The following GALNT17 variants were observed in gnomAD, a reference collection of about 807,000 sequenced individuals.
GALNT17 encodes the protein polypeptide N-acetylgalactosaminyltransferase 17.
GALNT17 carries 29 observed loss-of-function variants against 63.7 expected under a neutral mutation model. The ratio of observed to expected loss-of-function variants is 0.46; its 90% CI spans 0.34 to 0.62. GALNT17 has a LOEUF of 0.62. Among genes scored for constraint, GALNT17 ranks in the 20% least tolerant of loss-of-function variants. The probability of loss-of-function intolerance (pLI) is 0.01; values close to 1 mark genes in which losing one functional copy is unlikely to be tolerated. For missense variants in GALNT17, 603 were observed against 799.6 expected, an observed-to-expected ratio of 0.75 and a Z score of 2.97; for synonymous variants, 305 against 318.3, an observed-to-expected ratio of 0.96 and a Z score of 0.45.
intron 9 of GALNT17, 60 bp downstream of exon 9, chr7:71,677,366 C>T (rs918489823): frequency 4.0e-6 from 6 of 1,491,850 alleles, no homozygotes; most frequent in Non-Finnish European, 5.5e-6. Context: ...CCACAGAGGC[C>T]TTGCAGGCCT....
At chr7:71,563,268 C>G (rs1789285322) in intron 5 of GALNT17, among the ~76,000 whole-genome samples, 1 of 152,234 alleles carries the variant, frequency 6.6e-6, no homozygotes, top group South Asian at 2.1e-4. Flanking sequence ...CTCACGTTCT[C>G]TGATCTCTTC....
At chr7:71,144,243 A>C (rs1643961779) in intron 1 of GALNT17, among the ~76,000 whole-genome samples, 1 of 151,822 alleles carries the variant, frequency 6.6e-6, no homozygotes, top group Non-Finnish European at 1.5e-5. Context: ...TCCCCTTGTC[A>C]GCTCCTCGAG....
At chr7:71,710,660 C>CA in intron 9 of GALNT17, 101 bp from the exon 10 acceptor site, 1 of 1,366,656 alleles carries the variant, frequency 7.3e-7, no homozygotes, top group Non-Finnish European at 1.0e-6. Flanking sequence ...GCAGTATTGA[C>CA]AAACAGCAGG....
At chr7:71,151,359 C>T (rs373694550) in intron 1 of GALNT17, among the ~76,000 whole-genome samples, 2 of 152,046 alleles carry the variant, frequency 1.3e-5, no homozygotes, top group African/African-American at 2.4e-5. Context: ...TGGTGGCTCA[C>T]GCCTGTAGTC....
intron 8 of GALNT17, 131 bp downstream of exon 8, chr7:71,670,240 C>CT: frequency 5.6e-6 from 7 of 1,248,804 alleles, no homozygotes; most frequent in South Asian, 1.3e-5. Context: ...GCCCTGATAG[C>CT]AAGATTCTCT....
intron 1 of GALNT17, among the ~76,000 whole-genome samples, chr7:71,325,355 T>C (rs1791686863): frequency 6.6e-6 from 1 of 152,134 alleles, no homozygotes; most frequent in South Asian, 2.1e-4. Flanking sequence ...CTGCATGACA[T>C]GCTGGCTCTT....
intron 1 of GALNT17, among the ~76,000 whole-genome samples, chr7:71,303,884 A>G (rs1791243360): frequency 1.3e-5 from 2 of 152,196 alleles, no homozygotes; most frequent in Non-Finnish European, 1.5e-5. Context: ...AATAATAGCT[A>G]AACGCCTCCG....
At chr7:71,464,374 G>T (rs1787501783) in intron 5 of GALNT17, among the ~76,000 whole-genome samples, 2 of 152,096 alleles carry the variant, frequency 1.3e-5, no homozygotes, top group Admixed American at 1.3e-4. Flanking sequence ...TAGATAAGTG[G>T]GATCAGAGGA....
intron 2 of GALNT17, among the ~76,000 whole-genome samples, chr7:71,339,195 C>T (rs569147322): frequency 6.6e-6 from 1 of 152,268 alleles, no homozygotes; most frequent in Admixed American, 6.5e-5. Flanking sequence ...TAGTTTTCTC[C>T]CCACTGGAGA....
intron 1 of GALNT17, among the ~76,000 whole-genome samples, chr7:71,328,726 A>G (rs34822312): frequency 0.31 from 46,896 of 150,852 alleles, 7,945 homozygotes; most frequent in Non-Finnish European, 0.38. Flanking sequence ...CACATGGACC[A>G]AAAAATATGT....
chr7:71,134,835 GTTTTTTTTTTT>G (rs561383417), intron 1 of GALNT17, among the ~76,000 whole-genome samples: 7 of 57,906 alleles, frequency 1.2e-4, no homozygotes, highest in South Asian at 9.9e-4. Context: ...TTGTTTTATG[GTTTTTTTTTTT>G]TTTTTTTTTT....
chr7:71,701,894 T>C (rs528823161), intron 9 of GALNT17, among the ~76,000 whole-genome samples: 23 of 121,016 alleles, frequency 1.9e-4, no homozygotes, highest in East Asian at 6.4e-4. Flanking sequence ...TATATATATA[T>C]ACACATATAT....
chr7:71,508,242 C>T (rs1038942807), intron 5 of GALNT17, among the ~76,000 whole-genome samples: 8 of 152,290 alleles, frequency 5.3e-5, no homozygotes, highest in Middle Eastern at 6.8e-3. Context: ...CAACCTCCAC[C>T]GTAAGCGTGT....
intron 1 of GALNT17, among the ~76,000 whole-genome samples, chr7:71,220,461 T>C (rs934501332): frequency 6.6e-6 from 1 of 152,206 alleles, no homozygotes; most frequent in African/African-American, 2.4e-5. Flanking sequence ...CATAACATCT[T>C]TCTGAGAACA....
At chr7:71,281,076 C>T (rs560882509) in intron 1 of GALNT17, among the ~76,000 whole-genome samples, 2 of 152,272 alleles carry the variant, frequency 1.3e-5, no homozygotes, top group South Asian at 2.1e-4. Flanking sequence ...AACCATGGGA[C>T]CAGCTATTGG....
chr7:71,460,915 C>T (rs1334122600), intron 5 of GALNT17, among the ~76,000 whole-genome samples: 1 of 152,152 alleles, frequency 6.6e-6, no homozygotes, highest in Non-Finnish European at 1.5e-5. Flanking sequence ...TTCTTTACTG[C>T]AACCTATTTT....
intron 1 of GALNT17, among the ~76,000 whole-genome samples, chr7:71,141,065 A>G (rs959855558): frequency 2.0e-5 from 3 of 149,232 alleles, no homozygotes; most frequent in African/African-American, 7.4e-5. Context: ...AAGGACACTC[A>G]GGGCCAGGCA....
intron 5 of GALNT17, among the ~76,000 whole-genome samples, chr7:71,502,116 A>T (rs925867163): frequency 3.5e-4 from 53 of 152,256 alleles, no homozygotes; most frequent in African/African-American, 1.2e-3. Flanking sequence ...CTCTTGCATT[A>T]AAATCAAAGC....
intron 1 of GALNT17, among the ~76,000 whole-genome samples, chr7:71,157,427 GCGGGTGGATCAC>G (rs1281586340): frequency 6.6e-6 from 1 of 151,894 alleles, no homozygotes; most frequent in African/African-American, 2.4e-5. Flanking sequence ...GGAGGCTGAG[GCGGGTGGATCAC>G]CTGAGGTCGG....
Sources: gnomAD v4.1 joint callset for allele counts (sites outside exome capture counted in the v4.1 genomes callset) on GRCh38, gnomAD v4.1.1 for gene constraint, MANE v1.5 for transcripts, NCBI Gene and HGNC (gene_info 2026-07-23, HGNC 2026-07-21) for gene names.